Variants in TTC7B observed in about 807,000 individuals in gnomAD.
The protein encoded by TTC7B is tetratricopeptide repeat protein 7B.
In TTC7B, 28 loss-of-function variants were observed where a neutral mutation model predicts 106.8. That is an observed-to-expected ratio of 0.26 (90% confidence interval 0.19 to 0.36). The LOEUF (loss-of-function observed/expected upper bound fraction) is 0.36. Among genes scored for constraint, TTC7B ranks in the 10% least tolerant of loss-of-function variants. TTC7B has a pLI of 1.00. For missense variants in TTC7B, 862 were observed against 1,076.4 expected (o/e 0.80, Z 2.79); for synonymous variants, 405 against 430.6 (o/e 0.94, Z 0.74).
chr14:90,797,933 C>G (rs1338654110), intron 1 of TTC7B, among the ~76,000 whole-genome samples: 7 of 152,204 alleles, frequency 4.6e-5, no homozygotes, highest in Non-Finnish European at 7.4e-5. Context: ...GGTGGCCTGG[C>G]TGTACGAAAG....
chr14:90,792,798 C>T (rs1225102638), intron 1 of TTC7B, among the ~76,000 whole-genome samples: 1 of 152,076 alleles, frequency 6.6e-6, no homozygotes, highest in African/African-American at 2.4e-5. Context: ...TGTGATGCTA[C>T]ACATTTGCAA....
Position 90,811,054 on chromosome 14 carries a change from C to CA in TTC7B, c.121+5120dup, listed in dbSNP as rs2030875906. Among the ~76,000 whole-genome samples, 6 of 152,198 alleles carry CA rather than the reference C, an allele frequency of 3.9e-5. No homozygotes were observed. The South Asian group carries it at 1.2e-3, about 32-fold the overall frequency. The stretch of plus-strand genomic sequence containing the variant: ...AGGACGAGCTGCACAGCCCCAGCCC[C>CA]ACTGTGCACAGCCACAAGAAATCCA... On this transcript the variant is annotated intron_variant, in intron 1 of 19. Coordinates refer to ENST00000328459, the MANE Select transcript of TTC7B (RefSeq NM_001010854.2).
intron 15 of TTC7B, among the ~76,000 whole-genome samples, chr14:90,640,470 T>C (rs1287852499): frequency 6.6e-6 from 1 of 152,162 alleles, no homozygotes; most frequent in Non-Finnish European, 1.5e-5. Flanking sequence ...ATGTTTAAGA[T>C]ACGTGTAAGT....
At chr14:90,612,066 T>C (rs553104577) in intron 16 of TTC7B, among the ~76,000 whole-genome samples, 1 of 152,184 alleles carries the variant, frequency 6.6e-6, no homozygotes, top group African/African-American at 2.4e-5. Context: ...TGAAACTTAA[T>C]ACAGTTTACA....
At chr14:90,676,374 G>A (rs1028023519) in intron 9 of TTC7B, 149 bp downstream of exon 9, 1 of 843,932 alleles carries the variant, frequency 1.2e-6, no homozygotes, top group Non-Finnish European at 1.8e-6. Flanking sequence ...ATTCTACAGG[G>A]GAGAAAACCA....
rs141340076 is a variant in TTC7B at position 90,730,060 on chromosome 14, A to G, written c.698+15T>C. 7.3e-5 allele frequency: 116 copies of G among 1,592,654 alleles called. 1 individual carries two copies. The African/African-American group carries it at 1.2e-3, about 16-fold the overall frequency. On this transcript the variant is annotated intron_variant, in intron 5 of 19. Coordinates refer to ENST00000328459, the MANE Select transcript of TTC7B (RefSeq NM_001010854.2). ...TTCTTTAGGAAGTGGATTTAAAAAA[A>G]TGAAGATGGCTTACCCATTTTTGAA...
At chr14:90,730,295 C>T in intron 4 of TTC7B, 99 bp from the exon 5 acceptor site, 1 of 1,403,130 alleles carries the variant, frequency 7.1e-7, no homozygotes, top group Non-Finnish European at 9.5e-7. Context: ...AAAAAACCAA[C>T]TTCCTCAGGC....
intron 19 of TTC7B, among the ~76,000 whole-genome samples, chr14:90,564,444 A>G (rs529054789): frequency 1.3e-5 from 2 of 152,310 alleles, no homozygotes; most frequent in South Asian, 2.1e-4. Context: ...AGGATTTTCA[A>G]AACGGTGAAT....
chr14:90,784,742 T>G (rs1441483140), intron 2 of TTC7B, among the ~76,000 whole-genome samples: 2 of 151,982 alleles, frequency 1.3e-5, no homozygotes, highest in East Asian at 3.9e-4. Context: ...CAGGGAGTCT[T>G]TAAGTACCTG....
intron 3 of TTC7B, among the ~76,000 whole-genome samples, chr14:90,773,366 AC>A (rs1341242867): frequency 1.3e-5 from 2 of 152,080 alleles, no homozygotes; most frequent in Non-Finnish European, 2.9e-5. Context: ...CCATATCCTC[AC>A]TCACAATGAG....
chr14:90,691,591 G>A (rs56171825), intron 6 of TTC7B, among the ~76,000 whole-genome samples: 16,602 of 152,176 alleles, frequency 0.11, 1,014 homozygotes, highest in Admixed American at 0.19. Context: ...ATAAATTCAG[G>A]ATCAAAGGAG....
chr14:90,612,411 C>T (rs1260667306), intron 16 of TTC7B, among the ~76,000 whole-genome samples: 2 of 152,164 alleles, frequency 1.3e-5, no homozygotes, highest in Non-Finnish European at 2.9e-5. Flanking sequence ...AGGAGTTTTT[C>T]AGAAGATTTA....
At chr14:90,625,812 A>C (rs575885108) in intron 15 of TTC7B, among the ~76,000 whole-genome samples, 1 of 152,376 alleles carries the variant, frequency 6.6e-6, no homozygotes, top group South Asian at 2.1e-4. Flanking sequence ...TTACACAGGA[A>C]ATAAACAATT....
At chr14:90,564,893 A>T (rs1890725465) in intron 19 of TTC7B, among the ~76,000 whole-genome samples, 1 of 152,246 alleles carries the variant, frequency 6.6e-6, no homozygotes, top group Non-Finnish European at 1.5e-5. Context: ...CTTGGGAGGC[A>T]GAGTGAGACC....
chr14:90,793,691 C>T (rs1328284616), intron 1 of TTC7B, among the ~76,000 whole-genome samples: 1 of 151,302 alleles, frequency 6.6e-6, no homozygotes, highest in Non-Finnish European at 1.5e-5. Context: ...TCACCGCAAC[C>T]TCCACCTCCT....
At chr14:90,796,670 C>A (rs1171937787) in intron 1 of TTC7B, among the ~76,000 whole-genome samples, 2 of 152,130 alleles carry the variant, frequency 1.3e-5, no homozygotes, top group Non-Finnish European at 2.9e-5. Flanking sequence ...GACACCAACA[C>A]AAAAAATTCT....
chr14:90,544,768 C>T (rs143752880), intron 19 of TTC7B, among the ~76,000 whole-genome samples: 3 of 152,266 alleles, frequency 2.0e-5, no homozygotes, highest in Non-Finnish European at 4.4e-5. Flanking sequence ...AGGAGCTCGT[C>T]ACACGCCTTC....
intron 9 of TTC7B, among the ~76,000 whole-genome samples, chr14:90,665,160 C>T (rs1886361749): frequency 6.6e-6 from 1 of 152,158 alleles, no homozygotes; most frequent in South Asian, 2.1e-4. Flanking sequence ...AAATCACCTC[C>T]CTCACAAGAA....
intron 3 of TTC7B, among the ~76,000 whole-genome samples, chr14:90,748,746 G>A (rs1050828861): frequency 3.3e-5 from 5 of 152,066 alleles, no homozygotes; most frequent in African/African-American, 1.2e-4. Context: ...CTTTTACACA[G>A]GTTAAAAACC....
Sources: allele counts gnomAD v4.1 joint callset (sites outside exome capture counted in the v4.1 genomes callset), GRCh38; gene constraint gnomAD v4.1.1; transcripts MANE v1.5; gene names NCBI Gene and HGNC (gene_info 2026-07-23, HGNC 2026-07-21).